E2F3: variants seen among roughly 807,000 people sequenced by gnomAD.
E2F3 encodes the protein E2F transcription factor 3.
In E2F3, 11 loss-of-function variants were observed where a neutral mutation model predicts 44.4. The ratio of observed to expected loss-of-function variants is 0.25; its 90% CI spans 0.16 to 0.41. The LOEUF is 0.41. Ranked by LOEUF, E2F3 falls within the 10% of genes least tolerant of loss-of-function variation. The pLI, the probability that E2F3 is intolerant of heterozygous loss-of-function variation, is 1.00. For synonymous variants in E2F3, 249 were observed against 253.0 expected (o/e 0.98, Z 0.15); for missense variants, 487 against 583.6 (o/e 0.83, Z 1.70).
intron 1 of E2F3, among the ~76,000 whole-genome samples, chr6:20,475,986 C>T (rs914731787): frequency 5.3e-5 from 8 of 152,206 alleles, no homozygotes; most frequent in African/African-American, 1.9e-4. Flanking sequence ...CTAACAAGGC[C>T]TGCCAACTCC....
chr6:20,425,198 A>G (rs922672281), intron 1 of E2F3, among the ~76,000 whole-genome samples: 2 of 152,160 alleles, frequency 1.3e-5, no homozygotes, highest in Non-Finnish European at 2.9e-5. Flanking sequence ...CTAAAGTTTA[A>G]GTGAGTGGGG....
intron 6 of E2F3, 42 bp downstream of exon 6, chr6:20,488,290 T>G (rs1401114099): frequency 6.5e-7 from 1 of 1,549,324 alleles, no homozygotes; most frequent in Non-Finnish European, 8.7e-7. Context: ...ATGTTAAAAA[T>G]GAGGGTGACT....
chr6:20,468,218 G>A (rs769060693), intron 1 of E2F3, among the ~76,000 whole-genome samples: 2 of 152,190 alleles, frequency 1.3e-5, no homozygotes, highest in African/African-American at 4.8e-5. Flanking sequence ...CAGATTGAGG[G>A]TTCAGTCTCA....
intron 1 of E2F3, among the ~76,000 whole-genome samples, chr6:20,422,822 T>C (rs1435985388): frequency 1.3e-5 from 2 of 152,236 alleles, no homozygotes; most frequent in African/African-American, 4.8e-5. Flanking sequence ...CATTAGTAAT[T>C]GCAATAGTGA....
At chr6:20,409,990 T>C (rs931678933) in intron 1 of E2F3, among the ~76,000 whole-genome samples, 1 of 152,218 alleles carries the variant, frequency 6.6e-6, no homozygotes, top group Non-Finnish European at 1.5e-5. Context: ...GAGTTTGTCT[T>C]AGAGAGTGGA....
intron 1 of E2F3, among the ~76,000 whole-genome samples, chr6:20,427,683 A>C (rs1428690236): frequency 6.6e-6 from 1 of 152,056 alleles, no homozygotes; most frequent in Non-Finnish European, 1.5e-5. Context: ...CATTTGGACT[A>C]CCATTTGAGG....
chr6:20,462,407 A>G (rs1761541001), intron 1 of E2F3, among the ~76,000 whole-genome samples: 2 of 148,674 alleles, frequency 1.3e-5, no homozygotes, highest in African/African-American at 5.0e-5. Context: ...TTTCTATACT[A>G]TTCTTTTGGT....
intron 1 of E2F3, chr6:20,403,699 C>G (rs1027668353): frequency 3.4e-5 from 22 of 639,892 alleles, no homozygotes; most frequent in Non-Finnish European, 5.4e-5. Context: ...TCCCTCTCCT[C>G]TCCCCACCCC....
chr6:20,492,074 A>G lies in E2F3; in HGVS notation c.*1644A>G, dbSNP rs1762568156. The stretch of plus-strand genomic sequence containing the variant: ...AAACGAACAGTTAAATTGAAATGCT[A>G]TGTGCCTGACCCAATGGTAGGCACA... On this transcript the variant is annotated 3_prime_UTR_variant, in exon 7 of 7. Coordinates refer to ENST00000346618, the MANE Select transcript of E2F3 (RefSeq NM_001949.5). 1.5e-5 allele frequency: 3 copies of G among 203,892 alleles called. No homozygotes were observed. Among genetic ancestry groups the G allele is most frequent in the Non-Finnish European group, 3.0e-5 (3 of 99,416 alleles). The allele number at this position is 203,892 out of a possible 1,614,324, so 12.6% of individuals were successfully genotyped here. A position where few individuals can be genotyped will look rare whatever the true frequency, so the allele number is the denominator to read the frequency against.
At chr6:20,481,011 C>T (rs529200343) in intron 2 of E2F3, among the ~76,000 whole-genome samples, 195 bp from the exon 3 acceptor site, 1 of 152,148 alleles carries the variant, frequency 6.6e-6, no homozygotes, top group East Asian at 1.9e-4. Flanking sequence ...GAATTTTTAC[C>T]TTCCCTTCCT....
chr6:20,488,045 C>T (rs1304507069), intron 5 of E2F3, 68 bp from the exon 6 acceptor site: 14 of 1,589,988 alleles, frequency 8.8e-6, no homozygotes, highest in Admixed American at 1.8e-5. Flanking sequence ...CATTTTTAGA[C>T]AAGAATTACT....
At position 20,492,519 on chromosome 6, in the gene E2F3, C is replaced by G. The variant is rs1174324968; in HGVS notation, c.*2089C>G. On this transcript the variant is annotated 3_prime_UTR_variant, in exon 7 of 7. Transcript: ENST00000346618. ...GAAACCATTTATGCCAAGCTTTTCC[C>G]CATTTCCCATATTTATCTCATCTGG... The G allele has an allele frequency of 1.7e-5, 4 of 233,226 alleles. No individual in the cohort carries two copies. The East Asian group carries it at 1.8e-4, about 11-fold the overall frequency. The allele number at this position is 233,226 out of a possible 1,614,324, so 14.4% of individuals were successfully genotyped here.
At chr6:20,463,701 CA>C (rs1170149009) in intron 1 of E2F3, among the ~76,000 whole-genome samples, 1 of 152,168 alleles carries the variant, frequency 6.6e-6, no homozygotes, top group Admixed American at 6.5e-5. Flanking sequence ...TGTGCTGAGT[CA>C]GGGGGTACTT....
chr6:20,455,231 G>A (rs1337281081), intron 1 of E2F3, among the ~76,000 whole-genome samples: 1 of 152,176 alleles, frequency 6.6e-6, no homozygotes, highest in African/African-American at 2.4e-5. Flanking sequence ...AAGAACACAT[G>A]TTGTAGTATG....
chr6:20,487,149 G>A (rs1282774398), intron 5 of E2F3, among the ~76,000 whole-genome samples: 3 of 152,074 alleles, frequency 2.0e-5, no homozygotes, highest in Non-Finnish European at 4.4e-5. Context: ...TCCCCACCAC[G>A]AACAGATATA....
intron 1 of E2F3, among the ~76,000 whole-genome samples, chr6:20,450,468 G>T (rs1337723467): frequency 6.6e-6 from 1 of 151,902 alleles, no homozygotes; most frequent in African/African-American, 2.4e-5. Flanking sequence ...GTTTTAATGG[G>T]GCTGTTTGTT....
chr6:20,434,908 G>C (rs1760523575), intron 1 of E2F3, among the ~76,000 whole-genome samples: 1 of 152,162 alleles, frequency 6.6e-6, no homozygotes, highest in Non-Finnish European at 1.5e-5. Flanking sequence ...GGAGAGGGGT[G>C]GGGAGCCTAG....
Position 20,481,361 on chromosome 6 carries a change from A to G in E2F3, c.661A>G (p.Ile221Val). Residue 221 changes from isoleucine to valine, a missense_variant, in exon 3 of 7, where the codon ATC becomes GTC. Coordinates refer to ENST00000346618, the MANE Select transcript of E2F3 (RefSeq NM_001949.5). ...LKVQKRRIYD[I>V]TNVLEGIHLI... ...AGTGCAAAAGAGAAGGATTTATGAT[A>G]TCACCAACGTTCTGGAAGGCATCCA... 1 of 1,614,168 alleles carries G rather than the reference A, an allele frequency of 6.2e-7. No homozygotes were observed. The highest frequency in any genetic ancestry group is 2.2e-5 in the East Asian group (1 of 44,882).
chr6:20,480,607 A>G (rs1466038798), intron 2 of E2F3, among the ~76,000 whole-genome samples: 1 of 152,220 alleles, frequency 6.6e-6, no homozygotes, highest in Non-Finnish European at 1.5e-5. Context: ...CTATGGGGGA[A>G]CAAGTACAAT....
Sources: allele counts gnomAD v4.1 joint callset (sites outside exome capture counted in the v4.1 genomes callset), GRCh38; gene constraint gnomAD v4.1.1; transcripts MANE v1.5; gene names NCBI Gene and HGNC (gene_info 2026-07-23, HGNC 2026-07-21).